Variants in CNTN4 observed in about 807,000 individuals in gnomAD.
CNTN4 encodes contactin-4.
A neutral mutation model predicts 122.5 loss-of-function variants in CNTN4; 77 were observed. That is an observed-to-expected ratio of 0.63 (90% CI 0.52 to 0.76). The LOEUF (loss-of-function observed/expected upper bound fraction) is 0.76. CNTN4 is among the 30% of genes least tolerant of loss of function. The probability of loss-of-function intolerance (pLI) is 0.00; values close to 1 mark genes in which losing one functional copy is unlikely to be tolerated. For synonymous variants in CNTN4, 512 were observed against 447.0 expected, an observed-to-expected ratio of 1.15 and a Z score of -1.83; for missense variants, 1,256 against 1,259.1, an observed-to-expected ratio of 1.00 and a Z score of 0.04.
At chr3:2,635,384 G>C (rs9820831) in intron 4 of CNTN4, among the ~76,000 whole-genome samples, 12,301 of 152,006 alleles carry the variant, frequency 0.081, 688 homozygotes, top group African/African-American at 0.16. Context: ...AACAATTTTA[G>C]CCATGCCTTA....
intron 14 of CNTN4, among the ~76,000 whole-genome samples, chr3:3,003,905 A>T (rs1696335601): frequency 6.6e-6 from 1 of 151,822 alleles, no homozygotes; most frequent in South Asian, 2.1e-4. Flanking sequence ...GCACGCCAGC[A>T]CGCCACCAAG....
chr3:2,935,914 GAGA>G (rs952246494), intron 13 of CNTN4, among the ~76,000 whole-genome samples: 3 of 152,182 alleles, frequency 2.0e-5, no homozygotes, highest in Admixed American at 1.3e-4. Context: ...GGGGATTGAG[GAGA>G]AGGTGGTGGT....
At chr3:3,007,542 C>T (rs982362771) in intron 14 of CNTN4, among the ~76,000 whole-genome samples, 1 of 152,178 alleles carries the variant, frequency 6.6e-6, no homozygotes, top group African/African-American at 2.4e-5. Flanking sequence ...TTCAAATAAC[C>T]TGTTTAACTT....
intron 4 of CNTN4, among the ~76,000 whole-genome samples, chr3:2,719,529 C>G (rs1221785941): frequency 6.6e-6 from 1 of 152,094 alleles, no homozygotes; most frequent in Non-Finnish European, 1.5e-5. Context: ...CTCAGGTGAT[C>G]CACCTGCCTC....
At chr3:2,325,781 A>G (rs1370348151) in intron 2 of CNTN4, among the ~76,000 whole-genome samples, 2 of 152,240 alleles carry the variant, frequency 1.3e-5, no homozygotes, top group Admixed American at 1.3e-4. Flanking sequence ...AACGATTGTG[A>G]TTTATATTTC....
chr3:2,905,253 C>G (rs1460904947), intron 12 of CNTN4, among the ~76,000 whole-genome samples: 1 of 152,174 alleles, frequency 6.6e-6, no homozygotes, highest in Non-Finnish European at 1.5e-5. Context: ...AAGTGTTAGT[C>G]TGTTTAAGCT....
chr3:2,468,191 C>G (rs1245691321), intron 3 of CNTN4, among the ~76,000 whole-genome samples: 1 of 151,904 alleles, frequency 6.6e-6, no homozygotes, highest in African/African-American at 2.4e-5. Flanking sequence ...ATGTAATTAA[C>G]CAAAATAGAA....
At chr3:2,543,084 T>C (rs1268718963) in intron 3 of CNTN4, among the ~76,000 whole-genome samples, 2 of 152,124 alleles carry the variant, frequency 1.3e-5, no homozygotes, top group East Asian at 1.9e-4. Flanking sequence ...ATCTTTACCA[T>C]TTATTTAGTT....
intron 3 of CNTN4, among the ~76,000 whole-genome samples, chr3:2,498,397 A>T (rs556250268): frequency 6.6e-6 from 1 of 152,262 alleles, no homozygotes; most frequent in African/African-American, 2.4e-5. Context: ...TGTATGAGTG[A>T]TGCAGTTTCT....
At chr3:2,536,223 A>G (rs1002366202) in intron 3 of CNTN4, among the ~76,000 whole-genome samples, 4 of 152,320 alleles carry the variant, frequency 2.6e-5, no homozygotes, top group Admixed American at 2.0e-4. Context: ...AAAACCATCT[A>G]GATCTATGGG....
chr3:2,773,761 A>C (rs1415297376), intron 6 of CNTN4, among the ~76,000 whole-genome samples: 7 of 32,106 alleles, frequency 2.2e-4, no homozygotes, highest in African/African-American at 2.7e-4. Flanking sequence ...AATGTAGTAG[A>C]CTTTTTTTTT....
At chr3:2,997,444 AGAC>A (rs1195216757) in intron 14 of CNTN4, among the ~76,000 whole-genome samples, 1 of 152,358 alleles carries the variant, frequency 6.6e-6, no homozygotes, top group African/African-American at 2.4e-5. Flanking sequence ...ATCAGAAAGG[AGAC>A]GTGTCAGAAT....
chr3:2,668,091 A>G (rs61510804), intron 4 of CNTN4, among the ~76,000 whole-genome samples: 14,647 of 152,082 alleles, frequency 0.096, 1,004 homozygotes, highest in South Asian at 0.27. Flanking sequence ...TTTTGGTTCC[A>G]TATGAACTTT....
chr3:2,497,699 C>A (rs148646023), intron 3 of CNTN4, among the ~76,000 whole-genome samples: 1 of 152,114 alleles, frequency 6.6e-6, no homozygotes, highest in Non-Finnish European at 1.5e-5. Flanking sequence ...CTTGCCTACC[C>A]GATTGAATAC....
chr3:3,057,785 G>C lies in CNTN4; in HGVS notation c.*1565G>C, dbSNP rs1385212740. On this transcript the variant is annotated 3_prime_UTR_variant, in exon 25 of 25. Transcript: ENST00000418658. ...CTTAGTTTGATATGGTTACTTCTAT[G>C]TTGAAATAAAATTTAAAATCACATG... The C allele has an allele frequency of 6.6e-6, 1 of 151,956 alleles. No individual in the cohort carries two copies. Among genetic ancestry groups the C allele is most frequent in the Non-Finnish European group, 1.5e-5 (1 of 67,964 alleles). The allele number at this position is 151,956 out of a possible 1,614,324, so 9.4% of individuals were successfully genotyped here.
chr3:2,121,091 C>CCCTA lies in CNTN4; in HGVS notation c.-145+20455_-145+20456insACCT, dbSNP rs1190239459. On this transcript the variant is annotated intron_variant, in intron 2 of 24. Coordinates refer to ENST00000418658, the MANE Select transcript of CNTN4 (RefSeq NM_175607.3). ...GACTTCCTTCCTCCCTCCCTTCCTTCCCTCCCTTCTTCCTTCCTTCTCTCC... is the reference window on the plus strand; with the variant it reads ...GACTTCCTTCCTCCCTCCCTTCCTTCCCTACCTCCCTTCTTCCTTCCTTCTCTCC... Among the ~76,000 whole-genome samples, 3 of 151,036 alleles carry CCCTA rather than the reference C, an allele frequency of 2.0e-5. No homozygotes were observed. In the Admixed American group the frequency reaches 2.0e-4, roughly 10 times the overall value.
intron 3 of CNTN4, among the ~76,000 whole-genome samples, chr3:2,526,763 T>C (rs1450514123): frequency 6.6e-6 from 1 of 152,116 alleles, no homozygotes; most frequent in Non-Finnish European, 1.5e-5. Flanking sequence ...TTTGCATAAA[T>C]AGGCATACAT....
chr3:3,042,467 C>A (rs756301874), intron 21 of CNTN4, 45 bp downstream of exon 21: 2 of 1,244,264 alleles, frequency 1.6e-6, no homozygotes. Context: ...GAGTCTATGC[C>A]CCTTGATAAG....
At chr3:2,499,040 C>T (rs2076526907) in intron 3 of CNTN4, among the ~76,000 whole-genome samples, 1 of 152,168 alleles carries the variant, frequency 6.6e-6, no homozygotes, top group African/African-American at 2.4e-5. Context: ...TTGCCCGCCT[C>T]AGCTTCCCAA....
Sources: allele counts gnomAD v4.1 joint callset (sites outside exome capture counted in the v4.1 genomes callset), GRCh38; gene constraint gnomAD v4.1.1; transcripts MANE v1.5; gene names NCBI Gene and HGNC (gene_info 2026-07-23, HGNC 2026-07-21).